The following MOCOS variants were observed in gnomAD, a reference collection of about 807,000 sequenced individuals.
The protein encoded by MOCOS is human molybdenum cofactor sulfurase.
In MOCOS, 86 loss-of-function variants were observed where a neutral mutation model predicts 83.6. The ratio of observed to expected loss-of-function variants is 1.03; its 90% confidence interval spans 0.86 to 1.23. MOCOS has a LOEUF of 1.23. Ranked by LOEUF, MOCOS falls within the 50% of genes most tolerant of loss-of-function variation. MOCOS has a pLI of 0.00. For synonymous variants in MOCOS, 445 were observed against 434.7 expected (o/e 1.02, Z -0.29); for missense variants, 1,120 against 1,126.9 (o/e 0.99, Z 0.09).
intron 2 of MOCOS, among the ~76,000 whole-genome samples, chr18:36,195,696 A>G (rs2091384786): frequency 6.6e-6 from 1 of 152,240 alleles, no homozygotes; most frequent in Non-Finnish European, 1.5e-5. Flanking sequence ...CATTCACTCT[A>G]TAACTGTTCA....
Position 36,249,144 on chromosome 18 carries a change from C to A in MOCOS, c.2039+144C>A, listed in dbSNP as rs1453344729. On this transcript the variant is annotated intron_variant, in intron 10 of 14. Coordinates refer to ENST00000261326, the MANE Select transcript of MOCOS (RefSeq NM_017947.4). ...TTCTCCCTTGCATGCTTCTCTCTAA[C>A]CACACTCTTGGCTCTTTGGTCTTCA... 3 of 760,404 alleles carry A rather than the reference C, an allele frequency of 3.9e-6. No individual in the cohort carries two copies. In the African/African-American group the frequency reaches 5.2e-5, roughly 13 times the overall value. The allele number at this position is 760,404 out of a possible 1,614,324, so 47.1% of individuals were successfully genotyped here.
At chr18:36,255,712 G>C (rs1690026243) in intron 11 of MOCOS, among the ~76,000 whole-genome samples, 1 of 152,048 alleles carries the variant, frequency 6.6e-6, no homozygotes, top group African/African-American at 2.4e-5. Context: ...CCACACACCT[G>C]ATTTGGAAAC....
chr18:36,255,152 T>C (rs1294690196), intron 11 of MOCOS, among the ~76,000 whole-genome samples: 1 of 152,210 alleles, frequency 6.6e-6, no homozygotes, highest in Non-Finnish European at 1.5e-5. Flanking sequence ...CTGGGCACCC[T>C]GCCATTTGTT....
In MOCOS at chr18:36,187,523, A is replaced by T. The variant is rs577493806; in HGVS notation, c.-17A>T. On this transcript the variant is annotated 5_prime_UTR_variant, in exon 1 of 15. An upstream start codon of the reference 5' UTR is lost. Coordinates refer to ENST00000261326, the MANE Select transcript of MOCOS (RefSeq NM_017947.4). ...CACTTCCCGGGCCCGGCCGGCCTGG[A>T]TGGACTAGCCGGGGCCATGGCCGGC... 123 of 1,231,416 alleles carry T rather than the reference A, an allele frequency of 1.0e-4. 1 individual carries two copies. The Admixed American group carries it at 1.4e-3, about 14-fold the overall frequency. The allele number at this position is 1,231,416 out of a possible 1,614,324, so 76.3% of individuals were successfully genotyped here.
At chr18:36,214,244 CAAAAAAAA>C (rs33965546) in intron 7 of MOCOS, among the ~76,000 whole-genome samples, 7 of 91,396 alleles carry the variant, frequency 7.7e-5, no homozygotes, top group Non-Finnish European at 1.5e-4. Context: ...AACTCAGTCT[CAAAAAAAA>C]AAAAAAAAAA....
chr18:36,254,674 T>C (rs1324675143), intron 11 of MOCOS, among the ~76,000 whole-genome samples: 1 of 151,970 alleles, frequency 6.6e-6, no homozygotes. Flanking sequence ...TTCCTTTTCC[T>C]TCTGCAACTT....
intron 10 of MOCOS, among the ~76,000 whole-genome samples, chr18:36,249,619 C>T (rs1344376073): frequency 6.6e-6 from 1 of 151,992 alleles, no homozygotes. Context: ...CAGCTGGTGC[C>T]TGTGGAGCAG....
In MOCOS at chr18:36,260,073, G is replaced by T; in HGVS notation, c.2307G>T (p.Lys769Asn). ...GAAAGGAGGAATTATTCTCACTGAA[G>T]GATCTCAGCTTGCGTTTTCGTGCCA... ...ENGKEELFSL[K>N]DLSLRFRANI... Residue 769 changes from lysine (K) to asparagine (N), a missense_variant, in exon 13 of 15, where the codon AAG becomes AAT. Transcript: ENST00000261326. 1 of 1,614,194 alleles carries T rather than the reference G, an allele frequency of 6.2e-7. No individual in the cohort carries two copies. The highest frequency in any genetic ancestry group is 8.5e-7 in the Non-Finnish European group (1 of 1,180,036).
At chr18:36,232,212 C>T (rs112338907) in intron 9 of MOCOS, among the ~76,000 whole-genome samples, 22 of 152,230 alleles carry the variant, frequency 1.4e-4, no homozygotes, top group African/African-American at 4.6e-4. Context: ...TGAGCTCAAG[C>T]GATCCACCTG....
intron 12 of MOCOS, among the ~76,000 whole-genome samples, chr18:36,258,735 G>A (rs750228509): frequency 9.2e-5 from 14 of 152,172 alleles, no homozygotes; most frequent in Non-Finnish European, 1.9e-4. Context: ...GTTAAATACA[G>A]TTTTACAGAT....
At chr18:36,243,901 C>A (rs946024084) in intron 9 of MOCOS, among the ~76,000 whole-genome samples, 18 of 152,080 alleles carry the variant, frequency 1.2e-4, no homozygotes, top group African/African-American at 4.1e-4. Context: ...AGTTTGTGTG[C>A]ATAAAGGTGT....
intron 11 of MOCOS, 123 bp downstream of exon 11, chr18:36,251,406 G>A (rs1598592022): frequency 1.5e-6 from 2 of 1,329,238 alleles, no homozygotes; most frequent in Non-Finnish European, 2.1e-6. Context: ...GGGGTCATCA[G>A]CCTTTAGCAG....
At chr18:36,217,203 T>C (rs1048440105) in intron 8 of MOCOS, among the ~76,000 whole-genome samples, 3 of 152,140 alleles carry the variant, frequency 2.0e-5, no homozygotes, top group Non-Finnish European at 4.4e-5. Context: ...AGAGTGTCCT[T>C]ATACTTAGAA....
At chr18:36,240,963 AG>A (rs1158311330) in intron 9 of MOCOS, among the ~76,000 whole-genome samples, 1 of 152,192 alleles carries the variant, frequency 6.6e-6, no homozygotes, top group Non-Finnish European at 1.5e-5. Context: ...GTGCTTCCCG[AG>A]TGAGGCAATG....
intron 9 of MOCOS, among the ~76,000 whole-genome samples, chr18:36,222,723 T>C (rs372829614): frequency 2.7e-3 from 405 of 152,054 alleles, no homozygotes; most frequent in African/African-American, 9.3e-3. Flanking sequence ...TGCCTCAGCC[T>C]TCCCAGTAGC....
chr18:36,205,158 A>G lies in MOCOS; in HGVS notation c.1100A>G (p.Asn367Ser), dbSNP rs764235872. 30 of 1,613,388 alleles carry G rather than the reference A, an allele frequency of 1.9e-5. No individual in the cohort carries two copies. Among genetic ancestry groups the G allele is most frequent in the South Asian group, 1.5e-4 (14 of 91,066 alleles). Residue 367 changes from asparagine to serine, a missense_variant, in exon 6 of 15, where the codon AAT becomes AGT. Physicochemically the swap from Asn to Ser is conservative, Grantham distance 46 (BLOSUM62 1). Coordinates refer to ENST00000261326, the MANE Select transcript of MOCOS (RefSeq NM_017947.4). ...GCCCTGTCCTCTCTCCAGTACCCCA[A>G]TGGAGCCCCTGTGGTGCGGATTTAC... ...YVALSSLQYP[N>S]GAPVVRIYSD...
chr18:36,210,503 C>T (rs2091450717), intron 6 of MOCOS, among the ~76,000 whole-genome samples: 1 of 152,052 alleles, frequency 6.6e-6, no homozygotes, highest in Non-Finnish European at 1.5e-5. Context: ...AAAGGTTTGC[C>T]TTCTTAAATA....
At position 36,200,069 on chromosome 18, in the gene MOCOS, C is replaced by T. The variant is rs141623345; in HGVS notation, c.686C>T (p.Thr229Met). The change falls in exon 4 of 15, where the codon ACG (threonine) becomes ATG (methionine). Residue 229 changes from threonine to methionine, a missense_variant. Coordinates refer to ENST00000261326, the MANE Select transcript of MOCOS (RefSeq NM_017947.4). ...VKSGRLHPVSTPGKWFVLLDA... is the reference protein window; with the variant it reads ...VKSGRLHPVSMPGKWFVLLDA... Reference sequence around the variant, plus strand: ...TCTGGGCGGTTGCACCCTGTGAGCACGCCTGGGAAGTGGTTTGTGCTGCTG... The same window carrying T: ...TCTGGGCGGTTGCACCCTGTGAGCATGCCTGGGAAGTGGTTTGTGCTGCTG... 101 of 1,614,160 alleles carry T rather than the reference C, an allele frequency of 6.3e-5. 1 individual carries two copies. The African/African-American group carries it at 7.2e-4, about 12-fold the overall frequency.
intron 3 of MOCOS, 105 bp from the exon 4 acceptor site, chr18:36,199,578 T>A: frequency 6.4e-7 from 1 of 1,559,330 alleles, no homozygotes; most frequent in Admixed American, 1.7e-5. Context: ...AACCTATCTA[T>A]CCATTAAGGT....
Sources: gnomAD v4.1 joint callset for allele counts (sites outside exome capture counted in the v4.1 genomes callset) on GRCh38, gnomAD v4.1.1 for gene constraint, MANE v1.5 for transcripts, NCBI Gene and HGNC (gene_info 2026-07-23, HGNC 2026-07-21) for gene names.